Variants in CC2D2A observed in about 807,000 individuals in gnomAD.
CC2D2A encodes the protein coiled-coil and C2 domain containing 2A, also known as coiled-coil and C2 domain-containing protein 2A.
In CC2D2A, 155 loss-of-function variants were observed where a neutral mutation model predicts 212.9. That is an observed-to-expected ratio of 0.73 (90% CI 0.64 to 0.83). The LOEUF (loss-of-function observed/expected upper bound fraction) is 0.83, where lower values mean the gene tolerates loss of function less well. Among genes scored for constraint, CC2D2A ranks in the 40% least tolerant of loss-of-function variants. The probability of loss-of-function intolerance (pLI) is 0.00; values close to 1 mark genes in which losing one functional copy is unlikely to be tolerated. For missense variants in CC2D2A, 1,856 were observed against 1,956.2 expected, an observed-to-expected ratio of 0.95 and a Z score of 0.97; for synonymous variants, 667 against 686.5, an observed-to-expected ratio of 0.97 and a Z score of 0.44.
At chr4:15,535,022 T>C (rs756964662) in intron 14 of CC2D2A, among the ~76,000 whole-genome samples, 1 of 151,918 alleles carries the variant, frequency 6.6e-6, no homozygotes, top group African/African-American at 2.4e-5. Context: ...AAAAGGTTAG[T>C]TTTCAGGACA....
chr4:15,483,033 C>T (rs1714786832), intron 4 of CC2D2A, among the ~76,000 whole-genome samples: 1 of 152,156 alleles, frequency 6.6e-6, no homozygotes, highest in African/African-American at 2.4e-5. Context: ...GAATTGGCAG[C>T]ACTGATAAAC....
chr4:15,540,711 AG>A (rs1195441263), intron 16 of CC2D2A, 125 bp from the exon 17 acceptor site: 4 of 815,688 alleles, frequency 4.9e-6, no homozygotes, highest in Admixed American at 5.2e-5. Flanking sequence ...TGGTTAAATG[AG>A]GGCTGACATG....
chr4:15,503,011 AC>A, intron 6 of CC2D2A, 88 bp downstream of exon 6: 1 of 925,168 alleles, frequency 1.1e-6, no homozygotes, highest in Non-Finnish European at 1.6e-6. Flanking sequence ...AGAGCTATGC[AC>A]AGAGGAGGTA....
intron 4 of CC2D2A, among the ~76,000 whole-genome samples, chr4:15,501,877 T>C (rs1459497689): frequency 6.6e-5 from 10 of 152,242 alleles, no homozygotes; most frequent in Admixed American, 6.5e-4. Flanking sequence ...TAGTTCATGA[T>C]ATTTATGGGT....
At chr4:15,548,904 G>A (rs910321810) in intron 17 of CC2D2A, among the ~76,000 whole-genome samples, 1 of 151,968 alleles carries the variant, frequency 6.6e-6, no homozygotes, top group African/African-American at 2.4e-5. Flanking sequence ...TACAACATAT[G>A]GAATATATTT....
At chr4:15,502,738 A>T in intron 5 of CC2D2A, 84 bp from the exon 6 acceptor site, 1 of 1,243,170 alleles carries the variant, frequency 8.0e-7, no homozygotes, top group Non-Finnish European at 1.1e-6. Context: ...CTTCCCCTTA[A>T]AGAAGGATAG....
chr4:15,540,920 C>T lies in CC2D2A; in HGVS notation c.2087C>T (p.Thr696Ile), dbSNP rs1283454111. The change falls in exon 17 of 37, where the codon ACA becomes ATA. Residue 696 changes from threonine (T) to isoleucine (I), a missense_variant. Physicochemically the swap from Thr to Ile is moderately conservative, Grantham distance 89. Transcript: ENST00000424120. ...TTCAACAACAAGGAGGTGTCCAGGA[C>T]AGTCAGTCGGCCACTAGGAGCAGAC... ...VLFNNKEVSR[T>I]VSRPLGADFR... is the part of the protein sequence containing the mutation. The T allele has an allele frequency of 1.9e-6, 3 of 1,578,998 alleles. No homozygotes were observed. The highest frequency in any genetic ancestry group is 2.6e-6 in the Non-Finnish European group (3 of 1,162,100).
At chr4:15,584,712 C>T (rs1173198319) in intron 30 of CC2D2A, among the ~76,000 whole-genome samples, 1 of 152,052 alleles carries the variant, frequency 6.6e-6, no homozygotes, top group African/African-American at 2.4e-5. Context: ...CAAGAGACAA[C>T]CTACACAGAA....
chr4:15,479,278 G>T (rs1366983986), intron 3 of CC2D2A: 2 of 1,537,208 alleles, frequency 1.3e-6, no homozygotes, highest in South Asian at 2.4e-5. Flanking sequence ...CTCTCCGCAG[G>T]AGTTCCCCTC....
intron 1 of CC2D2A, among the ~76,000 whole-genome samples, chr4:15,475,287 TA>T (rs1170540732): frequency 6.6e-6 from 1 of 152,136 alleles, no homozygotes; most frequent in East Asian, 1.9e-4. Context: ...AGAAAAAGTG[TA>T]GGGGGCAGGG....
intron 8 of CC2D2A, among the ~76,000 whole-genome samples, chr4:15,514,288 G>C (rs1362837335): frequency 6.6e-6 from 1 of 152,228 alleles, no homozygotes; most frequent in African/African-American, 2.4e-5. Context: ...TCTGAACAGG[G>C]TGTGTGGACT....
At position 15,597,595 on chromosome 4, in the gene CC2D2A, C is replaced by T. The variant is rs1384742646; in HGVS notation, c.4496+130C>T. 1.2e-5 allele frequency: 9 copies of T among 749,536 alleles called. No individual in the cohort carries two copies. The East Asian group carries it at 1.6e-4, about 14-fold the overall frequency. 46.4% of individuals were successfully genotyped at this position (749,536 alleles called of 1,614,324 possible). A position where few individuals can be genotyped will look rare whatever the true frequency, so the allele number is the denominator to read the frequency against. On this transcript the variant is annotated intron_variant, in intron 35 of 36. Coordinates refer to ENST00000424120, the MANE Select transcript of CC2D2A (RefSeq NM_001378615.1). ...TAACTTTAATTCATGTTTATAGATT[C>T]CAAATACAGATGTGATCTCTAAATC...
intron 29 of CC2D2A, among the ~76,000 whole-genome samples, chr4:15,574,696 T>G (rs1484873937): frequency 2.6e-5 from 4 of 152,240 alleles, no homozygotes; most frequent in Non-Finnish European, 4.4e-5. Context: ...TTGACAAGTA[T>G]TGGCAAGAAT....
At chr4:15,481,151 T>C (rs1437066422) in intron 4 of CC2D2A, 1 of 463,316 alleles carries the variant, frequency 2.2e-6, no homozygotes, top group Non-Finnish European at 4.3e-6. Context: ...AATTGGTTGG[T>C]GTTGTCCTCT....
At chr4:15,483,193 T>C (rs1470784036) in intron 4 of CC2D2A, among the ~76,000 whole-genome samples, 2 of 152,186 alleles carry the variant, frequency 1.3e-5, no homozygotes, top group Non-Finnish European at 2.9e-5. Flanking sequence ...CCAGTGGCAT[T>C]AGAGCAGGAG....
chr4:15,543,413 G>C (rs1718559302), intron 17 of CC2D2A, among the ~76,000 whole-genome samples: 1 of 152,110 alleles, frequency 6.6e-6, no homozygotes, highest in Middle Eastern at 3.2e-3. Flanking sequence ...TTTTAGAAAG[G>C]GGATTGGAGT....
intron 15 of CC2D2A, among the ~76,000 whole-genome samples, 156 bp downstream of exon 15, chr4:15,537,232 T>C (rs1388821005): frequency 1.3e-5 from 2 of 152,138 alleles, no homozygotes; most frequent in Non-Finnish European, 2.9e-5. Context: ...GATAAAAGGA[T>C]GAATGAATTG....
intron 35 of CC2D2A, among the ~76,000 whole-genome samples, chr4:15,598,718 T>A (rs1721437142): frequency 6.6e-6 from 1 of 152,214 alleles, no homozygotes; most frequent in Non-Finnish European, 1.5e-5. Flanking sequence ...ATGGATAGAA[T>A]TCACTATTCA....
At chr4:15,564,972 C>T (rs1435701296) in intron 24 of CC2D2A, among the ~76,000 whole-genome samples, 2 of 152,308 alleles carry the variant, frequency 1.3e-5, no homozygotes, top group South Asian at 2.1e-4. Context: ...CCACTGCACC[C>T]GGCTCCTACA....
Sources: allele counts gnomAD v4.1 joint callset (sites outside exome capture counted in the v4.1 genomes callset), GRCh38; gene constraint gnomAD v4.1.1; transcripts MANE v1.5; gene names NCBI Gene and HGNC (gene_info 2026-07-23, HGNC 2026-07-21).